Variants in C19orf38 observed in about 807,000 individuals in gnomAD.
C19orf38 encodes protein HIDE1.
A neutral mutation model predicts 26.6 loss-of-function variants in C19orf38; 14 were observed. The observed-to-expected ratio is 0.53, with a 90% CI of 0.35 to 0.82. The LOEUF (loss-of-function observed/expected upper bound fraction) is 0.82, where lower values mean the gene tolerates loss of function less well. Ranked by LOEUF, C19orf38 falls within the 40% of genes least tolerant of loss-of-function variation. The pLI, the probability that C19orf38 is intolerant of heterozygous loss-of-function variation, is 0.01. For missense variants in C19orf38, 261 were observed against 299.5 expected, an observed-to-expected ratio of 0.87 and a Z score of 0.95; for synonymous variants, 132 against 128.5, an observed-to-expected ratio of 1.03 and a Z score of -0.18.
chr19:10,857,894 AAAAGAAAGAAAGAAAG>A lies in C19orf38; in HGVS notation c.434-398_434-383del, dbSNP rs111685154. On this transcript the variant is annotated intron_variant, in intron 3 of 6. Transcript: ENST00000397820. ...AGACTCTGTCTCAAAAAACAACAAA[AAAAGAAAGAAAGAAAG>A]AAAGAAAGAAAGAAAGAAAGAAAAA... Among the ~76,000 whole-genome samples the A allele has an allele frequency of 3.4e-3, 484 of 142,520 alleles. 8 individuals are homozygous for A. In the South Asian group the frequency reaches 0.05, roughly 15 times the overall value. The allele number at this position is 142,520 out of a possible 152,430, so 93.5% of individuals were successfully genotyped here.
At chr19:10,859,389 T>A (rs1005368455) in intron 4 of C19orf38, among the ~76,000 whole-genome samples, 2 of 107,548 alleles carry the variant, frequency 1.9e-5, no homozygotes, top group African/African-American at 8.2e-5. Context: ...TATATATTTT[T>A]TTTTTTTTTT....
intron 5 of C19orf38, among the ~76,000 whole-genome samples, chr19:10,860,854 AAAAG>A (rs1311456357): frequency 7.7e-4 from 108 of 140,410 alleles, no homozygotes; most frequent in Non-Finnish European, 1.2e-3. Context: ...AAAAAAAAAA[AAAAG>A]AAAGGGCCAG....
At chr19:10,854,995 G>T (rs1859885677) in intron 2 of C19orf38, among the ~76,000 whole-genome samples, 1 of 150,832 alleles carries the variant, frequency 6.6e-6, no homozygotes, top group African/African-American at 2.4e-5. Context: ...CCCTCATGGA[G>T]GCAAGATTGT....
At chr19:10,848,185 T>A (rs910496558), upstream of C19orf38, among the ~76,000 whole-genome samples, 9 of 152,042 alleles carry the variant, frequency 5.9e-5, no homozygotes, top group African/African-American at 1.9e-4. Context: ...AGCAAGACTC[T>A]GTCTCAAAAA....
At chr19:10,850,635 T>C in intron 2 of C19orf38, 68 bp downstream of exon 2, 2 of 1,487,338 alleles carry the variant, frequency 1.3e-6, no homozygotes, top group East Asian at 2.5e-5. Flanking sequence ...TTGTGTGTAC[T>C]GTTGACTCAG....
chr19:10,865,010 T>G (rs1005431368), intron 6 of C19orf38, among the ~76,000 whole-genome samples: 1 of 152,180 alleles, frequency 6.6e-6, no homozygotes, highest in Non-Finnish European at 1.5e-5. Flanking sequence ...CTCTGAGGTC[T>G]CTGCTTCCAG....
intron 3 of C19orf38, 81 bp from the exon 4 acceptor site, chr19:10,858,226 TAAAAAAAAA>T (rs371026775): frequency 1.6e-5 from 5 of 321,612 alleles, no homozygotes; most frequent in East Asian, 1.3e-4. Flanking sequence ...AGACTCTGTC[TAAAAAAAAA>T]AAAAAAAAAA....
intron 2 of C19orf38, among the ~76,000 whole-genome samples, chr19:10,851,339 A>G (rs1384766297): frequency 2.2e-5 from 3 of 138,032 alleles, no homozygotes; most frequent in South Asian, 2.3e-4. Flanking sequence ...GGCATGAGCC[A>G]CTGCACCTGG....
At position 10,848,459 on chromosome 19, in the gene C19orf38, C is replaced by T; in HGVS notation, c.-50C>T. The T allele has an allele frequency of 6.5e-7, 1 of 1,548,932 alleles. No homozygotes were observed. On this transcript the variant is annotated 5_prime_UTR_variant, in exon 1 of 7. Transcript: ENST00000397820. Reference sequence around the variant, plus strand: ...CTCACAGGAGGAGTTGGCGGGGAGCCTTGGGCCCCTCTGGCCTCAGCCGGA... The same window carrying T: ...CTCACAGGAGGAGTTGGCGGGGAGCTTTGGGCCCCTCTGGCCTCAGCCGGA...
intron 4 of C19orf38, among the ~76,000 whole-genome samples, chr19:10,859,569 A>G (rs2073676018): frequency 6.6e-6 from 1 of 151,080 alleles, no homozygotes. Context: ...TTTTTAGTAG[A>G]GACGGGGTTT....
chr19:10,860,395 G>A (rs1478914872), intron 5 of C19orf38, among the ~76,000 whole-genome samples: 2 of 151,688 alleles, frequency 1.3e-5, no homozygotes, highest in African/African-American at 4.8e-5. Context: ...TTAGCAGGGT[G>A]TGGTGGCGGA....
intron 2 of C19orf38, 30 bp downstream of exon 2, chr19:10,850,597 G>A (rs11085749): frequency 0.38 from 593,228 of 1,547,716 alleles, 114,990 homozygotes; most frequent in East Asian, 0.57. Context: ...TCTCACTGCC[G>A]GGGGCTTAAT....
intron 5 of C19orf38, among the ~76,000 whole-genome samples, chr19:10,861,501 A>G (rs1003756582): frequency 1.3e-5 from 2 of 152,168 alleles, no homozygotes; most frequent in African/African-American, 4.8e-5. Flanking sequence ...CCACAAGCCC[A>G]TTCTCCAATG....
At chr19:10,869,103 C>T (rs1328227488) in intron 6 of C19orf38, 115 bp from the exon 7 acceptor site, 10 of 1,332,622 alleles carry the variant, frequency 7.5e-6, no homozygotes, top group African/African-American at 6.1e-5. Context: ...TGGGTGGGGG[C>T]GGGATGAGAG....
chr19:10,864,146 G>A (rs1490942964), intron 6 of C19orf38, among the ~76,000 whole-genome samples: 1 of 149,600 alleles, frequency 6.7e-6, no homozygotes, highest in Non-Finnish European at 1.5e-5. Flanking sequence ...CACAACTTCC[G>A]ACTCCCGGGT....
At chr19:10,842,355 G>C (rs1054337067) in intron 1 of C19orf38, 5 of 575,506 alleles carry the variant, frequency 8.7e-6, no homozygotes, top group Non-Finnish European at 1.2e-5. Context: ...CCGCCTCCCG[G>C]GTTCACACCA....
At chr19:10,859,878 C>T in intron 4 of C19orf38, 37 bp from the exon 5 acceptor site, 1 of 1,546,252 alleles carries the variant, frequency 6.5e-7, no homozygotes, top group Non-Finnish European at 8.8e-7. Context: ...AAGGGGCAAC[C>T]CTGATCCCTG....
Position 10,850,336 on chromosome 19 carries a change from G to T in C19orf38, c.109G>T (p.Ala37Ser), listed in dbSNP as rs899953239. 3 of 1,551,258 alleles carry T rather than the reference G, an allele frequency of 1.9e-6. No homozygotes were observed. Among genetic ancestry groups the T allele is most frequent in the Non-Finnish European group, 2.6e-6 (3 of 1,146,908 alleles). ...CAGCCAAGAGGACCCCATCCACATC[G>T]CATGCATGGCCCCTGGGAACTTCCC... ...PSSQEDPIHI[A>S]CMAPGNFPGA... The change falls in exon 2 of 7, where the codon GCA (alanine) becomes TCA (serine). Residue 37 changes from alanine to serine, a missense_variant. Ala to Ser is a moderately conservative substitution (Grantham distance 99). Coordinates refer to ENST00000397820, the MANE Select transcript of C19orf38 (RefSeq NM_001136482.3).
chr19:10,865,798 A>T (rs1599673399), intron 6 of C19orf38, among the ~76,000 whole-genome samples: 1 of 151,924 alleles, frequency 6.6e-6, no homozygotes, highest in African/African-American at 2.4e-5. Flanking sequence ...GTGGATCTGT[A>T]CCTTCACCCA....
Sources: gnomAD v4.1 joint callset for allele counts (sites outside exome capture counted in the v4.1 genomes callset) on GRCh38, gnomAD v4.1.1 for gene constraint, MANE v1.5 for transcripts, NCBI Gene and HGNC (gene_info 2026-07-23, HGNC 2026-07-21) for gene names.